The following CCDC158 variants were observed in gnomAD, a reference collection of about 807,000 sequenced individuals.
The protein encoded by CCDC158 is coiled-coil domain-containing protein 158.
Under a neutral mutation model 138.6 loss-of-function variants are expected in CCDC158, and 116 were observed. The observed-to-expected ratio is 0.84, with a 90% confidence interval of 0.72 to 0.98. The LOEUF (loss-of-function observed/expected upper bound fraction) is 0.98. CCDC158 is among the 50% of genes least tolerant of loss of function. The pLI is 0.00. For synonymous variants in CCDC158, 436 were observed against 442.4 expected, an observed-to-expected ratio of 0.99 and a Z score of 0.18; for missense variants, 1,265 against 1,306.1, an observed-to-expected ratio of 0.97 and a Z score of 0.48.
intron 2 of CCDC158, among the ~76,000 whole-genome samples, chr4:76,409,360 C>G (rs2109897637): frequency 6.6e-6 from 1 of 151,834 alleles, no homozygotes; most frequent in East Asian, 1.9e-4. Context: ...AAAAACTCTG[C>G]ACTTGGTTGA....
intron 9 of CCDC158, chr4:76,375,492 A>G: frequency 1.4e-6 from 1 of 690,048 alleles, no homozygotes; most frequent in Non-Finnish European, 2.6e-6. Flanking sequence ...CCTGCACAGT[A>G]TATAGCTCCA....
intron 16 of CCDC158, 195 bp from the exon 17 acceptor site, chr4:76,352,007 C>A (rs979097107): frequency 2.1e-6 from 1 of 472,706 alleles, no homozygotes; most frequent in African/African-American, 2.0e-5. Context: ...ATCCTCTATA[C>A]CCCCAGCAAA....
At chr4:76,352,420 A>AAATAT (rs1723136553) in intron 16 of CCDC158, 1 of 152,322 alleles carries the variant, frequency 6.6e-6, no homozygotes, top group African/African-American at 2.4e-5. Flanking sequence ...AAATAAAATA[A>AAATAT]AATAAAATAA....
chr4:76,335,309 C>T (rs1721379542), intron 18 of CCDC158, among the ~76,000 whole-genome samples: 2 of 152,220 alleles, frequency 1.3e-5, no homozygotes, highest in Middle Eastern at 6.8e-3. Flanking sequence ...GGAATAAAAC[C>T]TCATAAAGTT....
Position 76,396,570 on chromosome 4 carries a change from G to A in CCDC158, c.71-84C>T, listed in dbSNP as rs189267300. On this transcript the variant is annotated intron_variant, in intron 3 of 24. Transcript: ENST00000682701. ...GTTATTGCCCAGGCTGGAGTGCAAT[G>A]GCGCGATCTTGCTCACTGCAACCTC... is the stretch of plus-strand genomic sequence containing the variant. 2.2e-4 allele frequency: 224 copies of A among 1,003,876 alleles called. 2 individuals are homozygous for A. The East Asian group carries it at 5.8e-3, about 26-fold the overall frequency. The allele number at this position is 1,003,876 out of a possible 1,614,324, so 62.2% of individuals were successfully genotyped here. A position where few individuals can be genotyped will look rare whatever the true frequency, so the allele number is the denominator to read the frequency against.
At chr4:76,333,014 T>A (rs1464746806) in intron 19 of CCDC158, among the ~76,000 whole-genome samples, 1 of 152,202 alleles carries the variant, frequency 6.6e-6, no homozygotes. Context: ...GGAAGGCATA[T>A]TATAGTTATG....
At chr4:76,398,556 A>G (rs1391820262) in intron 3 of CCDC158, among the ~76,000 whole-genome samples, 1 of 151,498 alleles carries the variant, frequency 6.6e-6, no homozygotes, top group African/African-American at 2.4e-5. Flanking sequence ...TAATCCAGCT[A>G]CTTGGGAGAC....
chr4:76,412,871 T>C (rs1347775894), intron 1 of CCDC158, among the ~76,000 whole-genome samples: 1 of 152,232 alleles, frequency 6.6e-6, no homozygotes, highest in Non-Finnish European at 1.5e-5. Flanking sequence ...ATTGGCACTA[T>C]CAAGATAATG....
chr4:76,366,871 T>C (rs1724723505), intron 12 of CCDC158, among the ~76,000 whole-genome samples: 1 of 152,156 alleles, frequency 6.6e-6, no homozygotes, highest in Non-Finnish European at 1.5e-5. Context: ...ACCCAACAGG[T>C]TGTTGGGAGT....
intron 18 of CCDC158, chr4:76,345,149 GC>G: frequency 9.3e-7 from 1 of 1,072,268 alleles, no homozygotes; most frequent in Non-Finnish European, 1.5e-6. Context: ...CTTTAGAAGA[GC>G]CCACAGTCAT....
In CCDC158 at chr4:76,354,264, G is replaced by T. The variant is rs371832450; in HGVS notation, c.2287-983C>A. ...AAAAAAAAAAAAAAAAAAGGAGAAA[G>T]AAAAAAGTGAATTCAGGATAAGAGA... On this transcript the variant is annotated intron_variant, in intron 15 of 24. Transcript: ENST00000682701. Among the ~76,000 whole-genome samples the T allele has an allele frequency of 5.6e-5, 7 of 125,394 alleles. No individual in the cohort carries two copies. In the East Asian group the frequency reaches 1.6e-3, roughly 28 times the overall value. 82.3% of individuals were successfully genotyped at this position (125,394 alleles called of 152,430 possible). A position where few individuals can be genotyped will look rare whatever the true frequency, so the allele number is the denominator to read the frequency against.
chr4:76,411,660 C>T (rs1729308435), intron 2 of CCDC158, among the ~76,000 whole-genome samples: 1 of 152,138 alleles, frequency 6.6e-6, no homozygotes, highest in Admixed American at 6.5e-5. Context: ...GGAAGATGCA[C>T]AGAACTTAGA....
At chr4:76,402,233 T>C (rs2109862772) in intron 3 of CCDC158, 1 of 152,372 alleles carries the variant, frequency 6.6e-6, no homozygotes, top group South Asian at 2.1e-4. Context: ...TGCCCTTGAA[T>C]GCATTCTCTG....
At chr4:76,353,046 G>T in intron 16 of CCDC158, 77 bp downstream of exon 16, 1 of 1,230,568 alleles carries the variant, frequency 8.1e-7, no homozygotes, top group Non-Finnish European at 1.1e-6. Flanking sequence ...TCTACATAGA[G>T]CTTTTGTTCA....
chr4:76,314,951 C>A (rs551719633), intron 24 of CCDC158, among the ~76,000 whole-genome samples: 1 of 152,160 alleles, frequency 6.6e-6, no homozygotes, highest in African/African-American at 2.4e-5. Context: ...TGTGGGCAGA[C>A]AGGAAGGGGC....
At chr4:76,373,385 C>T (rs1380870086) in intron 9 of CCDC158, among the ~76,000 whole-genome samples, 2 of 152,184 alleles carry the variant, frequency 1.3e-5, no homozygotes, top group Non-Finnish European at 2.9e-5. Flanking sequence ...TTCATGTCTG[C>T]ATAAATGGTG....
At chr4:76,350,036 G>T (rs536302847) in intron 18 of CCDC158, among the ~76,000 whole-genome samples, 1 of 152,138 alleles carries the variant, frequency 6.6e-6, no homozygotes, top group African/African-American at 2.4e-5. Context: ...TTGGAAAGGG[G>T]AGGCTAATTT....
intron 1 of CCDC158, among the ~76,000 whole-genome samples, chr4:76,415,463 G>A (rs777008261): frequency 1.1e-4 from 16 of 152,012 alleles, no homozygotes; most frequent in Non-Finnish European, 2.2e-4. Context: ...GTCTGTGGGC[G>A]GCAAGCCATC....
intron 12 of CCDC158, among the ~76,000 whole-genome samples, chr4:76,362,900 G>A (rs1011240742): frequency 5.9e-5 from 9 of 152,212 alleles, no homozygotes; most frequent in Non-Finnish European, 1.3e-4. Flanking sequence ...AATAAAAGCA[G>A]GTGAGGGGTA....
Sources: gnomAD v4.1 joint callset for allele counts (sites outside exome capture counted in the v4.1 genomes callset) on GRCh38, gnomAD v4.1.1 for gene constraint, MANE v1.5 for transcripts, NCBI Gene and HGNC (gene_info 2026-07-23, HGNC 2026-07-21) for gene names.